ADAMTSL1: variants seen among roughly 807,000 people sequenced by gnomAD.
ADAMTSL1 encodes ADAMTS-like protein 1.
In ADAMTSL1, 126 loss-of-function variants were observed where a neutral mutation model predicts 201.8. The observed-to-expected ratio is 0.62, with a 90% CI of 0.54 to 0.72. ADAMTSL1 has a LOEUF of 0.72. Among genes scored for constraint, ADAMTSL1 ranks in the 30% least tolerant of loss-of-function variants. The pLI, the probability that ADAMTSL1 is intolerant of heterozygous loss-of-function variation, is 0.00. For synonymous variants in ADAMTSL1, 1,121 were observed against 903.4 expected, an observed-to-expected ratio of 1.24 and a Z score of -4.32; for missense variants, 2,679 against 2,277.8, an observed-to-expected ratio of 1.18 and a Z score of -3.59.
chr9:17,943,747 A>G (rs993346709), intron 1 of ADAMTSL1, among the ~76,000 whole-genome samples: 1 of 152,078 alleles, frequency 6.6e-6, no homozygotes, highest in Non-Finnish European at 1.5e-5. Flanking sequence ...CTTTTCTTGC[A>G]TTACTATAAA....
At chr9:18,115,410 A>C (rs1029466869) in intron 1 of ADAMTSL1, among the ~76,000 whole-genome samples, 4 of 152,170 alleles carry the variant, frequency 2.6e-5, no homozygotes, top group Admixed American at 6.5e-5. Flanking sequence ...AGCTTTAGAG[A>C]GAACAAGTCT....
chr9:17,963,593 G>C (rs1007809508), intron 1 of ADAMTSL1, among the ~76,000 whole-genome samples: 9 of 152,148 alleles, frequency 5.9e-5, no homozygotes, highest in African/African-American at 2.2e-4. Flanking sequence ...GCATGTTGTT[G>C]ATTCTAAAAG....
At chr9:18,004,213 A>G (rs1819724783) in intron 1 of ADAMTSL1, among the ~76,000 whole-genome samples, 1 of 152,036 alleles carries the variant, frequency 6.6e-6, no homozygotes, top group Admixed American at 6.6e-5. Context: ...TGGAAAGGAT[A>G]TGGAGGGAAG....
chr9:18,459,561 C>A (rs1331206392), intron 2 of ADAMTSL1, among the ~76,000 whole-genome samples: 1 of 152,140 alleles, frequency 6.6e-6, no homozygotes, highest in Non-Finnish European at 1.5e-5. Context: ...ACCCAGGGAA[C>A]TTGCCTGCAA....
chr9:18,302,809 A>G lies in ADAMTSL1; in HGVS notation c.207+138828A>G, dbSNP rs1279991793. 2.0e-5 allele frequency among the ~76,000 whole-genome samples: 3 copies of G among 152,352 alleles called. No individual in the cohort carries two copies. The East Asian group carries it at 5.8e-4, about 29-fold the overall frequency. On this transcript the variant is annotated intron_variant, in intron 2 of 29. Coordinates refer to the ADAMTSL1 transcript ENST00000680146. ...GAAAGTTTATAATGAGAAAGTGCTCATTGAAACAAGGCAGTTTACTTTTTA... is the reference window on the plus strand; with the variant it reads ...GAAAGTTTATAATGAGAAAGTGCTCGTTGAAACAAGGCAGTTTACTTTTTA...
intron 2 of ADAMTSL1, among the ~76,000 whole-genome samples, chr9:18,325,843 C>G (rs563946124): frequency 6.6e-6 from 1 of 152,020 alleles, no homozygotes; most frequent in African/African-American, 2.4e-5. Context: ...AGGATTCAAG[C>G]GATTCTCCTG....
intron 1 of ADAMTSL1, among the ~76,000 whole-genome samples, chr9:17,994,836 G>A (rs996524664): frequency 2.0e-5 from 3 of 152,054 alleles, no homozygotes; most frequent in African/African-American, 2.4e-5. Flanking sequence ...TAAAGTGGAC[G>A]CATCAGTATT....
intron 2 of ADAMTSL1, among the ~76,000 whole-genome samples, chr9:18,522,138 A>G (rs543415777): frequency 2.6e-5 from 4 of 152,206 alleles, no homozygotes; most frequent in Non-Finnish European, 1.5e-5. Flanking sequence ...GCTAGGGACT[A>G]CTAGAGGGAG....
intron 2 of ADAMTSL1, among the ~76,000 whole-genome samples, chr9:18,412,750 C>G (rs1444606729): frequency 6.6e-6 from 1 of 152,138 alleles, no homozygotes; most frequent in African/African-American, 2.4e-5. Flanking sequence ...TATTCTATTT[C>G]CTTTTGACAT....
chr9:18,099,343 ATATATATATATATT>A (rs1423076995), intron 1 of ADAMTSL1, among the ~76,000 whole-genome samples: 10 of 52,304 alleles, frequency 1.9e-4, no homozygotes, highest in African/African-American at 7.2e-4. Context: ...ATATATATAT[ATATATATATATATT>A]TTTTTTTTTT....
intron 1 of ADAMTSL1, among the ~76,000 whole-genome samples, chr9:17,985,255 T>C (rs1818878615): frequency 6.6e-6 from 1 of 152,174 alleles, no homozygotes. Context: ...GTAATCACCC[T>C]ATTCACCACA....
intron 7 of ADAMTSL1, 159 bp from the exon 8 acceptor site, chr9:18,657,479 TG>T: frequency 3.4e-6 from 2 of 586,806 alleles, no homozygotes; most frequent in Non-Finnish European, 6.1e-6. Context: ...ACTGGTAAAA[TG>T]GTAGGATACA....
chr9:18,487,308 T>C lies in ADAMTSL1; in HGVS notation c.63+13013T>C, dbSNP rs1203547339. Among the ~76,000 whole-genome samples the C allele has an allele frequency of 2.0e-5, 3 of 152,250 alleles. No individual in the cohort carries two copies. The East Asian group carries it at 5.8e-4, about 29-fold the overall frequency. On this transcript the variant is annotated intron_variant, in intron 1 of 28. Coordinates refer to ENST00000380548, the MANE Select transcript of ADAMTSL1 (RefSeq NM_001040272.6). ...ATTTATTTTCCTAATTATAAACGAA[T>C]AGTCTCCACTGTGCATGTAGCTCTT...
chr9:18,550,404 T>C (rs1820726000), intron 3 of ADAMTSL1, among the ~76,000 whole-genome samples: 1 of 151,892 alleles, frequency 6.6e-6, no homozygotes, highest in Non-Finnish European at 1.5e-5. Context: ...CCAGAGATTC[T>C]AAGCACAAGA....
intron 3 of ADAMTSL1, among the ~76,000 whole-genome samples, chr9:18,542,419 A>T (rs957586053): frequency 6.6e-6 from 1 of 152,300 alleles, no homozygotes; most frequent in Middle Eastern, 3.4e-3. Context: ...ATGTGTTGGA[A>T]TCCTAAACTC....
intron 2 of ADAMTSL1, among the ~76,000 whole-genome samples, chr9:18,340,841 C>G (rs1036581564): frequency 3.3e-5 from 5 of 152,140 alleles, no homozygotes; most frequent in African/African-American, 1.2e-4. Context: ...TCCATTAAAC[C>G]TCTTTCCTTT....
intron 23 of ADAMTSL1, among the ~76,000 whole-genome samples, chr9:18,877,000 A>G (rs1267357734): frequency 1.3e-5 from 2 of 152,054 alleles, no homozygotes; most frequent in Non-Finnish European, 2.9e-5. Flanking sequence ...CTTGTCTTCA[A>G]GCTCTGAAGT....
intron 2 of ADAMTSL1, among the ~76,000 whole-genome samples, chr9:18,354,066 TATAC>T (rs1297877883): frequency 1.3e-5 from 2 of 148,336 alleles, no homozygotes; most frequent in African/African-American, 4.9e-5. Flanking sequence ...TATATATATA[TATAC>T]CTATAAATTT....
chr9:18,183,606 A>G (rs529344306), intron 2 of ADAMTSL1, among the ~76,000 whole-genome samples: 1 of 152,360 alleles, frequency 6.6e-6, no homozygotes, highest in South Asian at 2.1e-4. Flanking sequence ...GCAAATAAGC[A>G]TATAAAAATA....
Sources: allele counts gnomAD v4.1 joint callset (sites outside exome capture counted in the v4.1 genomes callset), GRCh38; gene constraint gnomAD v4.1.1; transcripts MANE v1.5; gene names NCBI Gene and HGNC (gene_info 2026-07-23, HGNC 2026-07-21).